The following TESK1 variants were observed in gnomAD, a reference collection of about 807,000 sequenced individuals.
The protein encoded by TESK1 is testis associated actin remodelling kinase 1, also known as dual specificity testis-specific protein kinase 1.
Under a neutral mutation model 59.9 loss-of-function variants are expected in TESK1, and 18 were observed. The observed-to-expected ratio is 0.30, with a 90% CI of 0.21 to 0.45. TESK1 has a LOEUF of 0.45. TESK1 is among the 20% of genes least tolerant of loss of function. The pLI, the probability that TESK1 is intolerant of heterozygous loss-of-function variation, is 1.00. For synonymous variants in TESK1, 341 were observed against 357.4 expected (o/e 0.95, Z 0.52); for missense variants, 748 against 840.9 (o/e 0.89, Z 1.37).
chr9:35,607,837 C>G lies in TESK1; in HGVS notation c.712-91C>G. The stretch of plus-strand genomic sequence containing the variant: ...TAACACATGAAAACTGTCAAGATCC[C>G]CCACCCTCAACCAAATTCTGCTATA... On this transcript the variant is annotated intron_variant, in intron 6 of 9. Coordinates refer to ENST00000336395, the MANE Select transcript of TESK1 (RefSeq NM_006285.3). This position sits in a 1 kb window ranked among gnomAD's most constrained non-coding sequence, Gnocchi z 4.5. The G allele has an allele frequency of 6.8e-7, 1 of 1,461,932 alleles. No individual in the cohort carries two copies. Among genetic ancestry groups the G allele is most frequent in the Non-Finnish European group, 9.5e-7 (1 of 1,057,594 alleles). 90.6% of individuals were successfully genotyped at this position (1,461,932 alleles called of 1,614,324 possible).
In TESK1 at chr9:35,609,515, C is replaced by T. The variant is rs11549039; in HGVS notation, c.1654C>T (p.Pro552Ser). 1 of 1,609,418 alleles carries T rather than the reference C, an allele frequency of 6.2e-7. No homozygotes were observed. The highest frequency in any genetic ancestry group is 8.5e-7 in the Non-Finnish European group (1 of 1,177,474). Reference sequence around the variant, plus strand: ...GGCGGCAGCCCTGGAGCGGACAGAACCCTCGCCACCCCCTTCAGCTCCCCG... The same window carrying T: ...GGCGGCAGCCCTGGAGCGGACAGAATCCTCGCCACCCCCTTCAGCTCCCCG... ...PRAAALERTE[P>S]SPPPSAPREP... is the part of the protein sequence containing the mutation. The change falls in exon 10 of 10, where the codon CCC becomes TCC. Residue 552 changes from proline to serine, a missense_variant. By Grantham distance (74) the Pro-to-Ser change is moderately conservative. Coordinates refer to ENST00000336395, the MANE Select transcript of TESK1 (RefSeq NM_006285.3). This position sits in a 1 kb window ranked among gnomAD's most constrained non-coding sequence, Gnocchi z 6.7.
At chr9:35,606,313 C>T in intron 3 of TESK1, 28 bp downstream of exon 3, 1 of 1,612,812 alleles carries the variant, frequency 6.2e-7, no homozygotes, top group Non-Finnish European at 8.5e-7. Flanking sequence ...AGGAGGGATC[C>T]CCACCCCCCT....
rs757303762 is a variant in TESK1 at position 35,608,093 on chromosome 9, C to T, written c.796-67C>T. 4 of 1,608,442 alleles carry T rather than the reference C, an allele frequency of 2.5e-6. No homozygotes were observed. In the Admixed American group the frequency reaches 5.0e-5, roughly 20 times the overall value. On this transcript the variant is annotated intron_variant, in intron 7 of 9. Coordinates refer to ENST00000336395, the MANE Select transcript of TESK1 (RefSeq NM_006285.3). ...GGAGGATTCCCTAGAGGTTGAGGTT[C>T]TGACTGGGGAGCAGAAGGAGAACCC...
Position 35,606,065 on chromosome 9 carries a change from G to A in TESK1, c.301G>A (p.Val101Met). The A allele has an allele frequency of 6.2e-7, 1 of 1,614,204 alleles. No individual in the cohort carries two copies. Among genetic ancestry groups the A allele is most frequent in the Non-Finnish European group, 8.5e-7 (1 of 1,180,020 alleles). Residue 101 changes from valine to methionine, a missense_variant, in exon 2 of 10, where the codon GTG becomes ATG. Val to Met is a conservative substitution (Grantham distance 21, BLOSUM62 1). This residue lies in a region of TESK1 where 168 missense variants were observed against 257.4 expected (regional missense o/e 0.65). Coordinates refer to ENST00000336395, the MANE Select transcript of TESK1 (RefSeq NM_006285.3). ...TAACCGGGGCAACACACTACGGGAA[G>A]TGCAGCTGATGAACCGGCTCAGGCA... The part of the protein sequence containing the change: ...PSNRGNTLRE[V>M]QLMNRLRHPN...
At position 35,609,257 on chromosome 9, in the gene TESK1, G is replaced by A. The variant is rs761346552; in HGVS notation, c.1396G>A (p.Glu466Lys). 6.2e-7 allele frequency: 1 copy of A among 1,614,172 alleles called. No individual in the cohort carries two copies. The highest frequency in any genetic ancestry group is 8.5e-7 in the Non-Finnish European group (1 of 1,180,022). Reference sequence around the variant, plus strand: ...TCCCGCTGTGGGCCCCTCGGCTGAAGAGAAGATGGAGTGCGAGGGCAGCAG... The same window carrying A: ...TCCCGCTGTGGGCCCCTCGGCTGAAAAGAAGATGGAGTGCGAGGGCAGCAG... Reference protein sequence around the residue: ...GPPAVGPSAEEKMECEGSSPE... With the variant: ...GPPAVGPSAEKKMECEGSSPE... The change falls in exon 10 of 10, where the codon GAG (glutamate) becomes AAG (lysine). Residue 466 changes from glutamate to lysine, a missense_variant. This residue lies in a region of TESK1 where 447 missense variants were observed against 466.1 expected (regional missense o/e 0.96). Transcript: ENST00000336395. The surrounding 1 kb of genome is among the most constrained non-coding windows in gnomAD (Gnocchi z 6.7).
At position 35,609,899 on chromosome 9, in the gene TESK1, C is replaced by T; in HGVS notation, c.*157C>T. The T allele has an allele frequency of 1.2e-6, 1 of 852,476 alleles. No individual in the cohort carries two copies. The highest frequency in any genetic ancestry group is 1.7e-6 in the Non-Finnish European group (1 of 581,460). The allele number at this position is 852,476 out of a possible 1,614,324, so 52.8% of individuals were successfully genotyped here. ...CATGGACTCAAGGGACAGAGCACTT[C>T]CAGTCGACCCCCCGGCTCGCGTTCC... On this transcript the variant is annotated 3_prime_UTR_variant, in exon 10 of 10. Transcript: ENST00000336395. The surrounding 1 kb of genome is among the most constrained non-coding windows in gnomAD (Gnocchi z 6.7).
chr9:35,608,312 C>A, intron 8 of TESK1, 63 bp downstream of exon 8: 1 of 1,609,266 alleles, frequency 6.2e-7, no homozygotes, highest in Non-Finnish European at 8.5e-7. Context: ...CATGGCTGCC[C>A]TGTGGGACCC....
At position 35,607,954 on chromosome 9, in the gene TESK1, C is replaced by A. The variant is rs929657437; in HGVS notation, c.738C>A (p.Val246=). Residue 246 remains valine, a synonymous_variant, in exon 7 of 10, where the codon GTC becomes GTA. Coordinates refer to ENST00000336395, the MANE Select transcript of TESK1 (RefSeq NM_006285.3). This position sits in a 1 kb window ranked among gnomAD's most constrained non-coding sequence, Gnocchi z 4.5. Reference sequence around the variant, plus strand: ...CTGATGTCTTTGCCTTCGGGATTGTCCTCTGTGAGCTCATCGCCCGAGTAC... The same window carrying A: ...CTGATGTCTTTGCCTTCGGGATTGTACTCTGTGAGCTCATCGCCCGAGTAC... ...EKADVFAFGI[V]LCELIARVPA... is the part of the protein sequence containing the mutation. 1.9e-6 allele frequency: 3 copies of A among 1,614,052 alleles called. No individual in the cohort carries two copies. The highest frequency in any genetic ancestry group is 2.5e-6 in the Non-Finnish European group (3 of 1,180,032).
In TESK1 at chr9:35,605,647, G is replaced by A. The variant is rs1822828913; in HGVS notation, c.28G>A (p.Gly10Ser). The A allele has an allele frequency of 2.4e-6, 3 of 1,227,452 alleles. No individual in the cohort carries two copies. Among genetic ancestry groups the A allele is most frequent in the African/African-American group, 1.6e-5 (1 of 62,982 alleles). The allele number at this position is 1,227,452 out of a possible 1,614,324, so 76.0% of individuals were successfully genotyped here. The change falls in exon 1 of 10, where the codon GGC becomes AGC. Residue 10 changes from glycine (G) to serine (S), a missense_variant. Transcript: ENST00000336395. MAGERPPLR[G>S]PGPGPGEVPG... is the part of the protein sequence containing the mutation. ...GGCCGGGGAACGGCCCCCACTGCGG[G>A]GCCCTGGGCCCGGGCCTGGAGAGGT...
chr9:35,606,164 C>T, intron 2 of TESK1, 59 bp downstream of exon 2: 1 of 1,614,066 alleles, frequency 6.2e-7, no homozygotes, highest in South Asian at 1.1e-5. Flanking sequence ...AAAGATCCCG[C>T]GGGAAAAGTG....
chr9:35,609,625 A>G lies in TESK1; in HGVS notation c.1764A>G (p.Thr588=), dbSNP rs763041122. 1.4e-5 allele frequency: 22 copies of G among 1,610,394 alleles called. No individual in the cohort carries two copies. In the African/African-American group the frequency reaches 2.7e-4, roughly 20 times the overall value. Residue 588 remains threonine (T), a synonymous_variant, in exon 10 of 10, where the codon ACA becomes ACG. Transcript: ENST00000336395. This position sits in a 1 kb window ranked among gnomAD's most constrained non-coding sequence, Gnocchi z 6.7. ...TCCTGTCCATGTGCCCCCGCCCCAC[A>G]CCAGCTGTTGCCCGCTACCGCAACC... ...FGFLSMCPRP[T]PAVARYRNLN...
rs778644561 is a variant in TESK1, at chr9:35,607,314, G to T, written c.538-13G>T. 6.2e-7 allele frequency: 1 copy of T among 1,613,912 alleles called. No homozygotes were observed. Among genetic ancestry groups the T allele is most frequent in the African/African-American group, 1.3e-5 (1 of 74,914 alleles). On this transcript the variant is annotated splice_polypyrimidine_tract_variant and intron_variant, in intron 4 of 9. Transcript: ENST00000336395. The surrounding 1 kb of genome is among the most constrained non-coding windows in gnomAD (Gnocchi z 4.5). ...TGATGAGTGCGTGGGGATACTATGT[G>T]TGTGTGTGTCAGAACTGTCTAGTCC...
rs900855633 is a variant in TESK1 at position 35,607,643 on chromosome 9, G to T, written c.682G>T (p.Val228Leu). Residue 228 changes from valine to leucine, a missense_variant, in exon 6 of 10, where the codon GTG becomes TTG. Physicochemically the swap from Val to Leu is conservative, Grantham distance 32 (BLOSUM62 1). Around this residue, in one of 3 missense-constraint regions of TESK1, gnomAD observed 168 missense variants for 257.4 expected, o/e 0.65. Transcript: ENST00000336395. The surrounding 1 kb of genome is among the most constrained non-coding windows in gnomAD (Gnocchi z 4.5). ...VGSPYWMAPE[V>L]LRGELYDEKA... is the part of the protein sequence containing the mutation. ...CTCCCCATACTGGATGGCTCCAGAG[G>T]TGTTACGGGGTGAGCTGTATGATGA... 6.2e-7 allele frequency: 1 copy of T among 1,613,868 alleles called. No homozygotes were observed. The highest frequency in any genetic ancestry group is 8.5e-7 in the Non-Finnish European group (1 of 1,179,934).
chr9:35,608,549 C>A, intron 9 of TESK1, 40 bp downstream of exon 9: 1 of 1,563,988 alleles, frequency 6.4e-7, no homozygotes, highest in Non-Finnish European at 8.8e-7. Flanking sequence ...AGTCCTTTGG[C>A]CTTTGTCCTC....
In TESK1 at chr9:35,607,624, A is replaced by G; in HGVS notation, c.663A>G (p.Pro221=). ...RKEPLAVVGS[P]YWMAPEVLRG... The stretch of plus-strand genomic sequence containing the variant: ...AGCCATTGGCCGTGGTGGGCTCCCC[A>G]TACTGGATGGCTCCAGAGGTGTTAC... The change falls in exon 6 of 10, where the codon CCA becomes CCG. Residue 221 remains proline, a synonymous_variant. Transcript: ENST00000336395. The surrounding 1 kb of genome is among the most constrained non-coding windows in gnomAD (Gnocchi z 4.5). 1 of 1,614,064 alleles carries G rather than the reference A, an allele frequency of 6.2e-7. No homozygotes were observed. The highest frequency in any genetic ancestry group is 1.1e-5 in the South Asian group (1 of 91,090).
At chr9:35,608,554 G>A (rs571601809) in intron 9 of TESK1, 45 bp downstream of exon 9, 1 of 1,556,710 alleles carries the variant, frequency 6.4e-7, no homozygotes, top group South Asian at 1.1e-5. Context: ...TTTGGCCTTT[G>A]TCCTCCCTAG....
At position 35,608,078 on chromosome 9, in the gene TESK1, C is replaced by G. The variant is rs756164789; in HGVS notation, c.795+67C>G. On this transcript the variant is annotated intron_variant, in intron 7 of 9. Coordinates refer to ENST00000336395, the MANE Select transcript of TESK1 (RefSeq NM_006285.3). Reference sequence around the variant, plus strand: ...CTGGCTCATAACCAAGGAGGATTCCCTAGAGGTTGAGGTTCTGACTGGGGA... The same window carrying G: ...CTGGCTCATAACCAAGGAGGATTCCGTAGAGGTTGAGGTTCTGACTGGGGA... 1.9e-6 allele frequency: 3 copies of G among 1,609,706 alleles called. No individual in the cohort carries two copies. The Admixed American group carries it at 5.0e-5, about 27-fold the overall frequency.
chr9:35,607,462 T>C lies in TESK1; in HGVS notation c.620+53T>C. ...AATCTCCCAGAGTGCCCCTATCTGA[T>C]GTCCCCAGAGCCCCAGGGATGTTTC... On this transcript the variant is annotated intron_variant, in intron 5 of 9. Coordinates refer to ENST00000336395, the MANE Select transcript of TESK1 (RefSeq NM_006285.3). The surrounding 1 kb of genome is among the most constrained non-coding windows in gnomAD (Gnocchi z 4.5). 1 of 1,604,438 alleles carries C rather than the reference T, an allele frequency of 6.2e-7. No individual in the cohort carries two copies. The highest frequency in any genetic ancestry group is 8.5e-7 in the Non-Finnish European group (1 of 1,171,310).
intron 7 of TESK1, 61 bp from the exon 8 acceptor site, chr9:35,608,099 G>T (rs772479823): frequency 1.9e-6 from 3 of 1,607,726 alleles, no homozygotes; most frequent in Non-Finnish European, 2.6e-6. Context: ...GGTTCTGACT[G>T]GGGAGCAGAA....
Sources: gnomAD v4.1 joint callset for allele counts on GRCh38, gnomAD v4.1.1 for gene constraint, gnomAD v4.1.1 regional missense constraint, Gnocchi (gnomAD v3.1) non-coding constraint, MANE v1.5 for transcripts, NCBI Gene and HGNC (gene_info 2026-07-23, HGNC 2026-07-21) for gene names.